Variants in EGFLAM observed in about 807,000 individuals in gnomAD.
EGFLAM encodes EGF like, fibronectin type III and laminin G domains.
EGFLAM carries 79 observed loss-of-function variants against 113.1 expected under a neutral mutation model. That is an observed-to-expected ratio of 0.70 (90% CI 0.58 to 0.84). EGFLAM has a LOEUF of 0.84. Among genes scored for constraint, EGFLAM ranks in the 40% least tolerant of loss-of-function variants. The pLI, the probability that EGFLAM is intolerant of heterozygous loss-of-function variation, is 0.00. For missense variants in EGFLAM, 1,265 were observed against 1,291.6 expected (o/e 0.98, Z 0.32); for synonymous variants, 504 against 487.6 (o/e 1.03, Z -0.44).
At chr5:38,280,435 A>C (rs1194429486) in intron 1 of EGFLAM, among the ~76,000 whole-genome samples, 4 of 152,198 alleles carry the variant, frequency 2.6e-5, no homozygotes, top group Admixed American at 2.6e-4. Flanking sequence ...GGGTTTAGCC[A>C]ATGGGAGGCA....
intron 3 of EGFLAM, among the ~76,000 whole-genome samples, chr5:38,341,296 C>T (rs1191960944): frequency 6.6e-6 from 1 of 152,156 alleles, no homozygotes; most frequent in Non-Finnish European, 1.5e-5. Context: ...GGGGAGGCCT[C>T]AGGAGACGTA....
intron 14 of EGFLAM, 113 bp downstream of exon 14, chr5:38,427,365 T>C: frequency 6.6e-7 from 1 of 1,506,142 alleles, no homozygotes. Context: ...CTTCTCTACA[T>C]GCTTATCTTC....
At chr5:38,281,120 T>A (rs1403935411) in intron 1 of EGFLAM, among the ~76,000 whole-genome samples, 1 of 152,218 alleles carries the variant, frequency 6.6e-6, no homozygotes, top group Non-Finnish European at 1.5e-5. Flanking sequence ...GTTCTAGAGA[T>A]CCCTTATACA....
chr5:38,450,434 G>A (rs1384166492), intron 18 of EGFLAM, among the ~76,000 whole-genome samples: 1 of 152,218 alleles, frequency 6.6e-6, no homozygotes, highest in Admixed American at 6.5e-5. Context: ...TGAGGACACT[G>A]CAGACACAGA....
intron 1 of EGFLAM, among the ~76,000 whole-genome samples, chr5:38,327,600 G>A (rs1738924372): frequency 6.6e-6 from 1 of 152,100 alleles, no homozygotes; most frequent in Admixed American, 6.5e-5. Flanking sequence ...TGTCATACAA[G>A]CCTCTTTTTT....
Position 38,407,793 on chromosome 5 carries a change from T to C in EGFLAM, c.1148-12T>C. ...AATAGCATTCTTTTGTGTTGTCTTT[T>C]TTCTTCTTCAGATATTGTTATCCAG... On this transcript the variant is annotated splice_polypyrimidine_tract_variant and intron_variant, in intron 8 of 21. Transcript: ENST00000322350. The C allele has an allele frequency of 6.3e-7, 1 of 1,593,696 alleles. No homozygotes were observed. Among genetic ancestry groups the C allele is most frequent in the South Asian group, 1.1e-5 (1 of 89,078 alleles).
chr5:38,406,144 G>A lies in EGFLAM; in HGVS notation c.731G>A (p.Ser244Asn). The change falls in exon 7 of 22, where the codon AGT (serine) becomes AAT (asparagine). Residue 244 changes from serine to asparagine, a missense_variant. Ser to Asn is a conservative substitution (Grantham distance 46). Coordinates refer to ENST00000322350, the MANE Select transcript of EGFLAM (RefSeq NM_152403.4). ...IRTLCPEEAG[S>N]GRYGPRYITD... is the part of the protein sequence containing the mutation. ...TGTGAAGGCCCTGAGGAGGCGGGAA[G>A]TGGCCGCTATGGACCCCGTTATATC... is the stretch of plus-strand genomic sequence containing the variant. The A allele has an allele frequency of 6.2e-7, 1 of 1,614,176 alleles. No individual in the cohort carries two copies. The highest frequency in any genetic ancestry group is 8.5e-7 in the Non-Finnish European group (1 of 1,180,018).
intron 5 of EGFLAM, among the ~76,000 whole-genome samples, chr5:38,363,481 A>G (rs1420701167): frequency 6.6e-6 from 1 of 152,202 alleles, no homozygotes; most frequent in Non-Finnish European, 1.5e-5. Flanking sequence ...TCACAATGGT[A>G]TTAACAATTC....
intron 17 of EGFLAM, among the ~76,000 whole-genome samples, chr5:38,447,129 C>G (rs1448500644): frequency 6.6e-6 from 1 of 152,220 alleles, no homozygotes; most frequent in Non-Finnish European, 1.5e-5. Context: ...CAGAAATCCC[C>G]TAGCCTCATC....
In EGFLAM at chr5:38,258,663, T is replaced by C. The variant is rs1757412493; in HGVS notation, c.-92T>C. 1 of 1,410,956 alleles carries C rather than the reference T, an allele frequency of 7.1e-7. No individual in the cohort carries two copies. Among genetic ancestry groups the C allele is most frequent in the Admixed American group, 2.0e-5 (1 of 50,584 alleles). The allele number at this position is 1,410,956 out of a possible 1,614,324, so 87.4% of individuals were successfully genotyped here. A position where few individuals can be genotyped will look rare whatever the true frequency, so the allele number is the denominator to read the frequency against. On this transcript the variant is annotated 5_prime_UTR_variant, in exon 1 of 22. Coordinates refer to ENST00000322350, the MANE Select transcript of EGFLAM (RefSeq NM_152403.4). Reference sequence around the variant, plus strand: ...CCACCTCCTCGCCCCGGCCCGGGGATCCGTTGGGGCCGCGTCCCCCACGCG... The same window carrying C: ...CCACCTCCTCGCCCCGGCCCGGGGACCCGTTGGGGCCGCGTCCCCCACGCG...
chr5:38,413,599 G>C (rs1741553282), intron 11 of EGFLAM, among the ~76,000 whole-genome samples: 1 of 152,126 alleles, frequency 6.6e-6, no homozygotes, highest in Non-Finnish European at 1.5e-5. Flanking sequence ...GTTTGGATTA[G>C]CAGCCTGCCA....
chr5:38,365,927 G>C (rs936033006), intron 5 of EGFLAM, among the ~76,000 whole-genome samples: 8 of 152,036 alleles, frequency 5.3e-5, no homozygotes, highest in Non-Finnish European at 1.0e-4. Flanking sequence ...TATAGTCAAC[G>C]AGGCCCAGTT....
chr5:38,308,636 C>T (rs189003461), intron 1 of EGFLAM, among the ~76,000 whole-genome samples: 13 of 151,982 alleles, frequency 8.6e-5, no homozygotes, highest in Admixed American at 3.9e-4. Flanking sequence ...GTTAAGAACT[C>T]AGAACTAGAA....
chr5:38,290,141 G>A (rs1460010096), intron 1 of EGFLAM, among the ~76,000 whole-genome samples: 1 of 152,122 alleles, frequency 6.6e-6, no homozygotes, highest in Non-Finnish European at 1.5e-5. Flanking sequence ...GGAAGGGTCG[G>A]GGTAGAGGGT....
intron 1 of EGFLAM, among the ~76,000 whole-genome samples, chr5:38,296,710 T>G (rs1449483220): frequency 6.6e-6 from 1 of 151,376 alleles, no homozygotes; most frequent in East Asian, 1.9e-4. Context: ...ATTTGTAATA[T>G]ATGCATTTTT....
At chr5:38,423,608 T>G (rs1741906911) in intron 12 of EGFLAM, among the ~76,000 whole-genome samples, 1 of 151,910 alleles carries the variant, frequency 6.6e-6, no homozygotes, top group Non-Finnish European at 1.5e-5. Flanking sequence ...CCTTTGAGAG[T>G]TTGGCTCTTT....
intron 1 of EGFLAM, among the ~76,000 whole-genome samples, chr5:38,268,212 T>A (rs982290281): frequency 1.3e-5 from 2 of 152,200 alleles, no homozygotes; most frequent in African/African-American, 4.8e-5. Flanking sequence ...TCTGGGTGGC[T>A]TGACACAAAA....
chr5:38,412,015 G>A (rs1267479742), intron 10 of EGFLAM, among the ~76,000 whole-genome samples: 1 of 152,032 alleles, frequency 6.6e-6, no homozygotes, highest in African/African-American at 2.4e-5. Flanking sequence ...GGTCAGGCTG[G>A]TCTCGAACTC....
chr5:38,290,519 T>G (rs1432716023), intron 1 of EGFLAM: 1 of 152,256 alleles, frequency 6.6e-6, no homozygotes, highest in African/African-American at 2.4e-5. Context: ...AAACCCACTA[T>G]CTGTTCACCC....
Sources: gnomAD v4.1 joint callset for allele counts (sites outside exome capture counted in the v4.1 genomes callset) on GRCh38, gnomAD v4.1.1 for gene constraint, MANE v1.5 for transcripts, NCBI Gene and HGNC (gene_info 2026-07-23, HGNC 2026-07-21) for gene names.